PCNT: variants seen among roughly 807,000 people sequenced by gnomAD.
PCNT encodes kendrin.
A neutral mutation model predicts 380.4 loss-of-function variants in PCNT; 319 were observed. The observed-to-expected ratio is 0.84, with a 90% CI of 0.77 to 0.92. The LOEUF is 0.92. Among genes scored for constraint, PCNT ranks in the 40% least tolerant of loss-of-function variants. PCNT has a pLI of 0.00. For synonymous variants in PCNT, 1,845 were observed against 1,735.2 expected (o/e 1.06, Z -1.57); for missense variants, 4,400 against 4,255.3 (o/e 1.03, Z -0.95).
At chr21:46,362,576 GC>G (rs2084758614) in intron 13 of PCNT, among the ~76,000 whole-genome samples, 1 of 151,576 alleles carries the variant, frequency 6.6e-6, no homozygotes, top group Non-Finnish European at 1.5e-5. Flanking sequence ...AATCTTACGT[GC>G]CTTTTTTTGG....
At chr21:46,440,042 CG>C (rs749891024) in intron 41 of PCNT, 40 bp from the exon 42 acceptor site, 1 of 1,613,132 alleles carries the variant, frequency 6.2e-7, no homozygotes, top group African/African-American at 1.3e-5. Context: ...CTCTTGTTGA[CG>C]AGCAGCTCTG....
intron 13 of PCNT, among the ~76,000 whole-genome samples, chr21:46,361,757 G>A (rs1569199230): frequency 6.6e-6 from 1 of 152,078 alleles, no homozygotes; most frequent in South Asian, 2.1e-4. Context: ...CATTTTCTCC[G>A]TTTTTTGAAG....
In PCNT at chr21:46,430,649, G is replaced by T. The variant is rs1478782618; in HGVS notation, c.8056G>T (p.Ala2686Ser). ...GCAGAGGGAGAGCCAGAGTGCCAAGGCCCTGGAGGTAACAGGGTGTCAGGG... is the reference window on the plus strand; with the variant it reads ...GCAGAGGGAGAGCCAGAGTGCCAAGTCCCTGGAGGTAACAGGGTGTCAGGG... ...HLQRESQSAKALEELRASLET... is the reference protein window; with the variant it reads ...HLQRESQSAKSLEELRASLET... The change falls in exon 37 of 47, where the codon GCC becomes TCC. Residue 2686 changes from alanine to serine, a missense_variant. Physicochemically the swap from Ala to Ser is moderately conservative, Grantham distance 99. Transcript: ENST00000359568. 4 of 1,570,160 alleles carry T rather than the reference G, an allele frequency of 2.5e-6. No homozygotes were observed. Among genetic ancestry groups the T allele is most frequent in the East Asian group, 2.3e-5 (1 of 42,834 alleles).
intron 32 of PCNT, among the ~76,000 whole-genome samples, chr21:46,423,709 GAGGAGGAGGAAGAGAAGGGGA>G (rs2087353322): frequency 1.3e-5 from 1 of 75,814 alleles, no homozygotes; most frequent in South Asian, 5.8e-4. Flanking sequence ...AGGAGGGGGA[GAGGAGGAGGAAGAGAAGGGGA>G]GGGGGAGGGG....
intron 44 of PCNT, chr21:46,443,163 C>A: frequency 6.2e-6 from 1 of 161,714 alleles, no homozygotes; most frequent in Non-Finnish European, 1.4e-5. Flanking sequence ...CCTGAACCAC[C>A]GCCGACTGGC....
chr21:46,397,567 C>A (rs2086250110), intron 22 of PCNT, 73 bp downstream of exon 22: 6 of 1,258,034 alleles, frequency 4.8e-6, no homozygotes, highest in Admixed American at 1.8e-5. Flanking sequence ...CTTTCCAGAT[C>A]GTTACGTAAG....
At chr21:46,385,571 C>T (rs537647988) in intron 16 of PCNT, among the ~76,000 whole-genome samples, 145 of 152,334 alleles carry the variant, frequency 9.5e-4, no homozygotes, top group Non-Finnish European at 1.5e-3. Flanking sequence ...TTAATCAGCA[C>T]CTCGTTCACC....
chr21:46,366,794 T>G lies in PCNT; in HGVS notation c.2820T>G (p.Ala940=). 1 of 1,613,752 alleles carries G rather than the reference T, an allele frequency of 6.2e-7. No homozygotes were observed. The highest frequency in any genetic ancestry group is 8.5e-7 in the Non-Finnish European group (1 of 1,180,024). The part of the protein sequence containing the change: ...LTASLESKQG[A]LLAARVAELQ... ...CCTCCTTAGAGAGCAAGCAGGGGGCTCTGCTGGCTGCACGTGTGGCCGAAC... is the reference window on the plus strand; with the variant it reads ...CCTCCTTAGAGAGCAAGCAGGGGGCGCTGCTGGCTGCACGTGTGGCCGAAC... Residue 940 remains alanine (A), a synonymous_variant, in exon 15 of 47, where the codon GCT becomes GCG. Coordinates refer to ENST00000359568, the MANE Select transcript of PCNT (RefSeq NM_006031.6).
At chr21:46,364,349 G>A (rs994073811) in intron 14 of PCNT, among the ~76,000 whole-genome samples, 9 of 151,290 alleles carry the variant, frequency 5.9e-5, no homozygotes, top group Middle Eastern at 3.4e-3. Context: ...GAAGCCCCCC[G>A]GCCACAGTGG....
rs767029823 is a variant in PCNT, at chr21:46,401,572, C to G, written c.4813C>G (p.Gln1605Glu). Residue 1605 changes from glutamine (Q) to glutamate (E), a missense_variant, in exon 26 of 47, where the codon CAG becomes GAG. Physicochemically the swap from Gln to Glu is conservative, Grantham distance 29. Coordinates refer to ENST00000359568, the MANE Select transcript of PCNT (RefSeq NM_006031.6). The stretch of plus-strand genomic sequence containing the variant: ...ATAGGATAAAGAGGTGTTAAAGAAA[C>G]AGCAGATGAGTAGCTTGCTTCTGGC... ...LEQDKEVLKK[Q>E]QMSSLLLAST... 2 of 1,613,394 alleles carry G rather than the reference C, an allele frequency of 1.2e-6. No individual in the cohort carries two copies. Among genetic ancestry groups the G allele is most frequent in the South Asian group, 2.2e-5 (2 of 91,084 alleles).
chr21:46,332,287 T>C (rs2083584222), intron 2 of PCNT, among the ~76,000 whole-genome samples: 1 of 152,266 alleles, frequency 6.6e-6, no homozygotes. Context: ...TCTAGCACTT[T>C]TCCAACTCAT....
At chr21:46,360,557 C>G (rs1403369975) in intron 13 of PCNT, among the ~76,000 whole-genome samples, 1 of 107,454 alleles carries the variant, frequency 9.3e-6, no homozygotes, top group Non-Finnish European at 1.8e-5. Context: ...ATTGCTCTGT[C>G]GCCCAGGCTG....
At chr21:46,394,867 C>T (rs926939282) in intron 21 of PCNT, among the ~76,000 whole-genome samples, 2 of 152,234 alleles carry the variant, frequency 1.3e-5, no homozygotes, top group African/African-American at 4.8e-5. Context: ...CCCCTGGATC[C>T]CCTGTGCCTG....
intron 15 of PCNT, among the ~76,000 whole-genome samples, chr21:46,378,153 C>T (rs1249163364): frequency 6.6e-6 from 1 of 152,016 alleles, no homozygotes; most frequent in Non-Finnish European, 1.5e-5. Context: ...ATACGGTGGT[C>T]GCCCCTTACC....
At chr21:46,357,756 T>C (rs1386833038) in intron 13 of PCNT, among the ~76,000 whole-genome samples, 1 of 152,146 alleles carries the variant, frequency 6.6e-6, no homozygotes, top group East Asian at 1.9e-4. Context: ...TTAGGGAAAC[T>C]GTCCAGGTGT....
chr21:46,324,570 G>T (rs1276193163), intron 1 of PCNT, among the ~76,000 whole-genome samples: 3 of 148,236 alleles, frequency 2.0e-5, no homozygotes, highest in East Asian at 2.0e-4. Flanking sequence ...CGTCGGGGGG[G>T]GTGGGGCGCG....
At chr21:46,335,522 CT>C (rs1413706587) in intron 3 of PCNT, among the ~76,000 whole-genome samples, 1 of 151,684 alleles carries the variant, frequency 6.6e-6, no homozygotes, top group African/African-American at 2.4e-5. Context: ...GGTGAAACCC[CT>C]CTCTACTAAA....
intron 39 of PCNT, 32 bp downstream of exon 39, chr21:46,436,180 T>A: frequency 6.2e-7 from 1 of 1,600,404 alleles, no homozygotes; most frequent in Non-Finnish European, 8.5e-7. Context: ...CGCTCACTGG[T>A]CCCTTGCAGC....
chr21:46,421,296 C>T (rs759132936), intron 31 of PCNT, among the ~76,000 whole-genome samples: 31 of 149,016 alleles, frequency 2.1e-4, no homozygotes, highest in African/African-American at 7.8e-4. Context: ...CGCTGGCATC[C>T]TCATCCTCCT....
Sources: gnomAD v4.1 joint callset for allele counts (sites outside exome capture counted in the v4.1 genomes callset) on GRCh38, gnomAD v4.1.1 for gene constraint, MANE v1.5 for transcripts, NCBI Gene and HGNC (gene_info 2026-07-23, HGNC 2026-07-21) for gene names.